ACYP2: variants seen among roughly 807,000 people sequenced by gnomAD.
ACYP2 encodes acylphosphatase-2.
ACYP2 carries 12 observed loss-of-function variants against 11.2 expected under a neutral mutation model. That is an observed-to-expected ratio of 1.08 (90% CI 0.69 to 1.74). ACYP2 has a LOEUF of 1.74. ACYP2 is among the 40% of genes most tolerant of loss of function. ACYP2 has a pLI of 0.00. For synonymous variants in ACYP2, 43 were observed against 32.2 expected (o/e 1.33, Z -1.13); for missense variants, 134 against 101.9 (o/e 1.31, Z -1.35).
intron 4 of ACYP2, among the ~76,000 whole-genome samples, chr2:54,083,989 T>C (rs974776488): frequency 6.6e-6 from 1 of 152,172 alleles, no homozygotes; most frequent in Non-Finnish European, 1.5e-5. Context: ...AAATTATAAA[T>C]TTTGAAAAGA....
At chr2:54,131,943 C>G (rs1438045345) in intron 4 of ACYP2, among the ~76,000 whole-genome samples, 1 of 152,210 alleles carries the variant, frequency 6.6e-6, no homozygotes, top group Non-Finnish European at 1.5e-5. Context: ...TCAGGTGCTG[C>G]TGTTTCATGG....
intron 2 of ACYP2, among the ~76,000 whole-genome samples, chr2:53,980,157 C>T (rs1671679817): frequency 6.6e-6 from 1 of 151,916 alleles, no homozygotes; most frequent in African/African-American, 2.4e-5. Context: ...AGCTATGTTA[C>T]CAAGAGGCAA....
intron 6 of ACYP2, among the ~76,000 whole-genome samples, chr2:54,292,764 C>G (rs113316997): frequency 9.9e-4 from 150 of 152,148 alleles, no homozygotes; most frequent in African/African-American, 3.5e-3. Context: ...TACAGATTCC[C>G]TCATTAATTA....
chr2:54,034,299 G>A (rs149390526), intron 2 of ACYP2, among the ~76,000 whole-genome samples: 16 of 152,162 alleles, frequency 1.1e-4, no homozygotes, highest in South Asian at 6.2e-4. Flanking sequence ...CGGAGGTTGC[G>A]GTGAGCCGGG....
chr2:54,044,319 G>A (rs1269126253), intron 2 of ACYP2, among the ~76,000 whole-genome samples: 1 of 152,202 alleles, frequency 6.6e-6, no homozygotes, highest in African/African-American at 2.4e-5. Context: ...CTACGGCTGA[G>A]TGCGGTGGCT....
chr2:54,289,233 G>A (rs936340854), intron 6 of ACYP2, among the ~76,000 whole-genome samples: 5 of 151,438 alleles, frequency 3.3e-5, no homozygotes, highest in African/African-American at 1.2e-4. Flanking sequence ...CTTCTACTTT[G>A]TCACCTCCCA....
At chr2:54,024,702 A>G (rs181764751) in intron 2 of ACYP2, among the ~76,000 whole-genome samples, 7 of 152,318 alleles carry the variant, frequency 4.6e-5, no homozygotes, top group African/African-American at 7.2e-5. Context: ...CTCTTTCACC[A>G]CTTCTATTCA....
At chr2:54,035,107 A>C (rs569316950) in intron 2 of ACYP2, among the ~76,000 whole-genome samples, 23 of 151,138 alleles carry the variant, frequency 1.5e-4, no homozygotes, top group Non-Finnish European at 2.9e-4. Context: ...AGCCTTGGGC[A>C]AAATCACTTA....
Position 54,004,150 on chromosome 2 carries a change from A to T in ACYP2, c.62+30340A>T, listed in dbSNP as rs535022682. Among the ~76,000 whole-genome samples, 332 of 151,520 alleles carry T rather than the reference A, an allele frequency of 2.2e-3. 1 individual carries two copies. The highest frequency in any genetic ancestry group is 3.4e-3 in the Non-Finnish European group (231 of 67,824). On this transcript the variant is annotated intron_variant, in intron 2 of 6. Coordinates refer to ENST00000607452, the MANE Select transcript of ACYP2 (RefSeq NM_001320586.2). ...AGACATGCGCCGCCATGCCCAGCTA[A>T]TTTTTTTTGTATTTTTAATGGAGAT...
chr2:54,094,784 C>G (rs905890295), intron 4 of ACYP2, among the ~76,000 whole-genome samples: 2 of 152,118 alleles, frequency 1.3e-5, no homozygotes, highest in African/African-American at 4.8e-5. Context: ...GTGATCCGCC[C>G]ACCTCAGTCT....
At chr2:54,065,869 A>G in intron 4 of ACYP2, 1 of 200,080 alleles carries the variant, frequency 5.0e-6, no homozygotes, top group Non-Finnish European at 1.0e-5. Context: ...CACTTACAAG[A>G]TGGAACAAGA....
At chr2:54,013,802 T>C (rs1673529383) in intron 2 of ACYP2, among the ~76,000 whole-genome samples, 1 of 151,334 alleles carries the variant, frequency 6.6e-6, no homozygotes, top group Non-Finnish European at 1.5e-5. Context: ...GAAATTGTAC[T>C]AAATGAAGTG....
At chr2:54,040,872 G>A (rs1286745341) in intron 2 of ACYP2, among the ~76,000 whole-genome samples, 3 of 152,048 alleles carry the variant, frequency 2.0e-5, no homozygotes, top group Non-Finnish European at 4.4e-5. Context: ...AGAAATGGAG[G>A]TAGTAGCTGA....
chr2:54,120,486 A>T (rs1680083887), intron 4 of ACYP2, among the ~76,000 whole-genome samples: 1 of 152,200 alleles, frequency 6.6e-6, no homozygotes, highest in Non-Finnish European at 1.5e-5. Context: ...ATGCATTGTG[A>T]CTATCTGTTG....
intron 4 of ACYP2, among the ~76,000 whole-genome samples, chr2:54,077,655 T>C (rs1677417492): frequency 6.6e-6 from 1 of 152,218 alleles, no homozygotes. Flanking sequence ...AAAATTGTTC[T>C]GCAAGGGAAG....
chr2:54,149,524 TAAG>T (rs896973215), intron 6 of ACYP2, among the ~76,000 whole-genome samples: 2 of 152,206 alleles, frequency 1.3e-5, no homozygotes, highest in Admixed American at 1.3e-4. Flanking sequence ...TTTGCAAAAT[TAAG>T]AATATTTTCT....
chr2:54,281,911 ATGAG>A lies in ACYP2; in HGVS notation c.405-22775_405-22772del, dbSNP rs556646208. ...TCAGCTAATTATTTTTTTAGAATGA[ATGAG>A]TTATAACAGAAGCAAGCAACACAGT... On this transcript the variant is annotated intron_variant, in intron 6 of 6. Coordinates refer to ENST00000607452, the MANE Select transcript of ACYP2 (RefSeq NM_001320586.2). 3.3e-4 allele frequency among the ~76,000 whole-genome samples: 51 copies of A among 152,362 alleles called. 2 individuals carry two copies. In the South Asian group the frequency reaches 0.01, roughly 30 times the overall value.
At chr2:54,301,209 C>T (rs1230556618) in intron 6 of ACYP2, among the ~76,000 whole-genome samples, 1 of 152,188 alleles carries the variant, frequency 6.6e-6, no homozygotes, top group Non-Finnish European at 1.5e-5. Context: ...AATTTGCTAA[C>T]ATTACCAACA....
At chr2:54,168,605 AT>A (rs1391617111) in intron 6 of ACYP2, among the ~76,000 whole-genome samples, 1 of 143,458 alleles carries the variant, frequency 7.0e-6, no homozygotes, top group Non-Finnish European at 1.6e-5. Context: ...CGGGGATAAT[AT>A]TTAGACAGGT....
Sources: gnomAD v4.1 joint callset for allele counts (sites outside exome capture counted in the v4.1 genomes callset) on GRCh38, gnomAD v4.1.1 for gene constraint, MANE v1.5 for transcripts, NCBI Gene and HGNC (gene_info 2026-07-23, HGNC 2026-07-21) for gene names.